The following GSDMA variants were observed in gnomAD, a reference collection of about 807,000 sequenced individuals.
The protein encoded by GSDMA is gasdermin-A.
In GSDMA, 55 loss-of-function variants were observed where a neutral mutation model predicts 54.3. The ratio of observed to expected loss-of-function variants is 1.01; its 90% CI spans 0.82 to 1.27. GSDMA has a LOEUF of 1.27. GSDMA is among the 50% of genes most tolerant of loss of function. GSDMA has a pLI of 0.00. For synonymous variants in GSDMA, 211 were observed against 224.7 expected, an observed-to-expected ratio of 0.94 and a Z score of 0.54; for missense variants, 542 against 542.6, an observed-to-expected ratio of 1.00 and a Z score of 0.01.
intron 3 of GSDMA, among the ~76,000 whole-genome samples, chr17:39,968,746 T>G (rs1333552629): frequency 1.3e-5 from 2 of 152,104 alleles, no homozygotes; most frequent in Non-Finnish European, 2.9e-5. Context: ...CAATGCCCAT[T>G]GCCAACGGTG....
chr17:39,973,252 C>T (rs75570915), intron 7 of GSDMA, among the ~76,000 whole-genome samples: 3,603 of 147,026 alleles, frequency 0.025, 147 homozygotes, highest in African/African-American at 0.085. Context: ...GGATTACAGG[C>T]GTGAGCCACG....
At chr17:39,972,247 A>T in intron 6 of GSDMA, 71 bp downstream of exon 6, 1 of 1,039,626 alleles carries the variant, frequency 9.6e-7, no homozygotes, top group Non-Finnish European at 1.5e-6. Context: ...AAAATCCTCC[A>T]CCCTCTCCTA....
chr17:39,975,313 G>T (rs1301370892), intron 10 of GSDMA, among the ~76,000 whole-genome samples: 1 of 152,124 alleles, frequency 6.6e-6, no homozygotes, highest in Non-Finnish European at 1.5e-5. Context: ...GCCGGGCGTG[G>T]TGGCAGGTGC....
chr17:39,976,664 A>G (rs1198272831), intron 11 of GSDMA, among the ~76,000 whole-genome samples, 152 bp from the exon 12 acceptor site: 1 of 152,220 alleles, frequency 6.6e-6, no homozygotes, highest in Admixed American at 6.5e-5. Flanking sequence ...TGCCCACTGT[A>G]TAGGGCTGTT....
intron 5 of GSDMA, 78 bp downstream of exon 5, chr17:39,971,698 G>A: frequency 9.4e-7 from 1 of 1,069,364 alleles, no homozygotes; most frequent in East Asian, 2.4e-5. Context: ...GTCCCCTCTT[G>A]CGGAAATGTC....
chr17:39,964,182 G>C (rs915961697), intron 1 of GSDMA, among the ~76,000 whole-genome samples: 2 of 152,212 alleles, frequency 1.3e-5, no homozygotes, highest in Non-Finnish European at 2.9e-5. Flanking sequence ...TCCAGGAGGT[G>C]ACCTGAATTG....
At chr17:39,968,473 G>C (rs181966747) in intron 3 of GSDMA, among the ~76,000 whole-genome samples, 2 of 148,140 alleles carry the variant, frequency 1.4e-5, no homozygotes, top group Admixed American at 1.4e-4. Context: ...TCAGCCTCCT[G>C]AGTAGCTGGG....
intron 3 of GSDMA, among the ~76,000 whole-genome samples, chr17:39,969,931 T>A (rs1049967904): frequency 6.7e-6 from 1 of 150,260 alleles, no homozygotes; most frequent in African/African-American, 2.5e-5. Flanking sequence ...TTTGAGGGAG[T>A]GGCATGATCA....
In GSDMA at chr17:39,965,772, G is replaced by A. The variant is rs184267286; in HGVS notation, c.85G>A (p.Asp29Asn). 7.2e-5 allele frequency: 116 copies of A among 1,610,916 alleles called. No homozygotes were observed. Among genetic ancestry groups the A allele is most frequent in the Admixed American group, 4.4e-4 (26 of 59,530 alleles). Residue 29 changes from aspartate (D) to asparagine (N), a missense_variant, in exon 2 of 12, where the codon GAC (aspartate) becomes AAC (asparagine). Asp to Asn is a conservative substitution (Grantham distance 23). Coordinates refer to ENST00000301659, the MANE Select transcript of GSDMA (RefSeq NM_178171.5). ...GDLTPLDSLIDFKRFHPFCLV... is the reference protein window; with the variant it reads ...GDLTPLDSLINFKRFHPFCLV... Reference sequence around the variant, plus strand: ...CCTGACACCACTTGACAGCCTCATCGACTTCAAGCGCTTCCATCCCTTCTG... The same window carrying A: ...CCTGACACCACTTGACAGCCTCATCAACTTCAAGCGCTTCCATCCCTTCTG...
intron 1 of GSDMA, among the ~76,000 whole-genome samples, chr17:39,964,554 G>C (rs1979550508): frequency 6.6e-6 from 1 of 151,110 alleles, no homozygotes; most frequent in South Asian, 2.1e-4. Context: ...GGGCAACAGA[G>C]TAAGACTCCA....
At chr17:39,973,860 CTT>C (rs1325847594) in intron 8 of GSDMA, 30 bp downstream of exon 8, 8 of 1,605,642 alleles carry the variant, frequency 5.0e-6, no homozygotes, top group Non-Finnish European at 6.8e-6. Flanking sequence ...TCTCCCAAGA[CTT>C]TGGCATGGAG....
chr17:39,974,158 G>A (rs1172101050), intron 8 of GSDMA, 115 bp from the exon 9 acceptor site: 1 of 1,102,932 alleles, frequency 9.1e-7, no homozygotes, highest in Non-Finnish European at 1.3e-6. Flanking sequence ...CTCAAACTGG[G>A]GGGTAGAGCA....
In GSDMA at chr17:39,974,956, T is replaced by C; in HGVS notation, c.963T>C (p.Asp321=). The change falls in exon 10 of 12, where the codon GAT becomes GAC. Residue 321 remains aspartate (D), a synonymous_variant. Transcript: ENST00000301659. ...HEVTLEALPK[D]VLLSKEAVGA... ...TGACCCTGGAGGCACTCCCAAAAGA[T>C]GTCCTGCTATCAAAGGAGGCCGTGG... is the stretch of plus-strand genomic sequence containing the variant. 6 of 1,613,218 alleles carry C rather than the reference T, an allele frequency of 3.7e-6. No individual in the cohort carries two copies. Among genetic ancestry groups the C allele is most frequent in the Non-Finnish European group, 5.1e-6 (6 of 1,179,596 alleles).
chr17:39,965,746 ACC>A lies in GSDMA; in HGVS notation c.60_61del (p.Leu21AspfsTer4). ...GCCAGACAGCTAAACCCTCGAGGGG[ACC>A]TGACACCACTTGACAGCCTCATCGA... On this transcript the variant is annotated frameshift_variant, in exon 2 of 12. Transcript: ENST00000301659. LOFTEE classifies it high-confidence loss of function. 1 of 1,611,656 alleles carries A rather than the reference ACC, an allele frequency of 6.2e-7. No homozygotes were observed. Among genetic ancestry groups the A allele is most frequent in the Non-Finnish European group, 8.5e-7 (1 of 1,178,952 alleles).
In GSDMA at chr17:39,975,124, C is replaced by T; in HGVS notation, c.1021+110C>T. The T allele has an allele frequency of 8.5e-6, 6 of 709,162 alleles. No homozygotes were observed. In the South Asian group the frequency reaches 9.4e-5, roughly 11 times the overall value. The allele number at this position is 709,162 out of a possible 1,614,324, so 43.9% of individuals were successfully genotyped here. On this transcript the variant is annotated intron_variant, in intron 10 of 11. Coordinates refer to ENST00000301659, the MANE Select transcript of GSDMA (RefSeq NM_178171.5). ...AATGAATGAATGACAAATTATACCA[C>T]AGTTAAGTAGTTTATATCTACATTT... is the stretch of plus-strand genomic sequence containing the variant.
At chr17:39,970,766 C>T in intron 4 of GSDMA, 119 bp downstream of exon 4, 1 of 942,942 alleles carries the variant, frequency 1.1e-6, no homozygotes, top group Non-Finnish European at 1.4e-6. Context: ...TCAGCGCCCA[C>T]CGAGGATGCT....
At chr17:39,974,778 G>T in intron 9 of GSDMA, 122 bp from the exon 10 acceptor site, 2 of 680,758 alleles carry the variant, frequency 2.9e-6, no homozygotes, top group Non-Finnish European at 5.2e-6. Flanking sequence ...AGGACATGAG[G>T]CCTCGAAAAA....
chr17:39,973,565 A>G (rs1400378553), intron 7 of GSDMA, among the ~76,000 whole-genome samples: 40 of 22,278 alleles, frequency 1.8e-3, no homozygotes, highest in African/African-American at 5.2e-3. Context: ...CCTGGCCTAG[A>G]AAAAAAAAAA....
intron 1 of GSDMA, among the ~76,000 whole-genome samples, chr17:39,964,576 A>G (rs900117166): frequency 8.5e-6 from 1 of 117,892 alleles, no homozygotes; most frequent in South Asian, 2.4e-4. Flanking sequence ...CTCAAAAAGA[A>G]AAAAAAAAGT....
Sources: allele counts gnomAD v4.1 joint callset (sites outside exome capture counted in the v4.1 genomes callset), GRCh38; gene constraint gnomAD v4.1.1; transcripts MANE v1.5; gene names NCBI Gene and HGNC (gene_info 2026-07-23, HGNC 2026-07-21).